The following EXOC2 variants were observed in gnomAD, a reference collection of about 807,000 sequenced individuals.
EXOC2 encodes SEC5-like 1.
Under a neutral mutation model 131.8 loss-of-function variants are expected in EXOC2, and 70 were observed. The ratio of observed to expected loss-of-function variants is 0.53; its 90% CI spans 0.44 to 0.65. The LOEUF is 0.65. Among genes scored for constraint, EXOC2 ranks in the 30% least tolerant of loss-of-function variants. The pLI is 0.00. For missense variants in EXOC2, 923 were observed against 1,108.6 expected (o/e 0.83, Z 2.38); for synonymous variants, 411 against 398.4 (o/e 1.03, Z -0.38).
At chr6:516,250 G>A (rs115846563) in intron 23 of EXOC2, among the ~76,000 whole-genome samples, 1,622 of 152,322 alleles carry the variant, frequency 0.011, 24 homozygotes, top group African/African-American at 0.037. Context: ...GACGCTGGGA[G>A]AATACGCATT....
At chr6:561,004 G>A (rs190502876) in intron 17 of EXOC2, among the ~76,000 whole-genome samples, 5 of 151,732 alleles carry the variant, frequency 3.3e-5, no homozygotes, top group Non-Finnish European at 7.4e-5. Flanking sequence ...CACAGCACCC[G>A]GCCCAATTAA....
chr6:541,190 C>T (rs1766797648), intron 22 of EXOC2, among the ~76,000 whole-genome samples: 2 of 152,168 alleles, frequency 1.3e-5, no homozygotes, highest in Admixed American at 6.5e-5. Flanking sequence ...CCAACTGCTC[C>T]TCTGCTCCCT....
intron 23 of EXOC2, among the ~76,000 whole-genome samples, chr6:500,912 G>T (rs1199874242): frequency 6.6e-6 from 1 of 151,276 alleles, no homozygotes; most frequent in Non-Finnish European, 1.5e-5. Flanking sequence ...TCCAAATATA[G>T]AACTAGGTTT....
At chr6:588,431 T>C (rs927651126) in intron 11 of EXOC2, among the ~76,000 whole-genome samples, 3 of 152,120 alleles carry the variant, frequency 2.0e-5, no homozygotes, top group Non-Finnish European at 4.4e-5. Context: ...CGGCTTACCA[T>C]AACCTCTGCC....
intron 27 of EXOC2, among the ~76,000 whole-genome samples, chr6:488,078 T>A (rs1763187334): frequency 6.6e-6 from 1 of 152,228 alleles, no homozygotes; most frequent in African/African-American, 2.4e-5. Flanking sequence ...GCAGGCACTG[T>A]CTGCACAGCT....
At chr6:503,287 G>C (rs972872897) in intron 23 of EXOC2, among the ~76,000 whole-genome samples, 23 of 152,006 alleles carry the variant, frequency 1.5e-4, no homozygotes, top group African/African-American at 4.6e-4. Flanking sequence ...GATGCCACTA[G>C]GCACATGGCA....
intron 1 of EXOC2, among the ~76,000 whole-genome samples, chr6:677,614 G>T (rs989602010): frequency 6.6e-6 from 1 of 151,872 alleles, no homozygotes; most frequent in East Asian, 1.9e-4. Flanking sequence ...GATAACAGGC[G>T]TGCACCACCA....
chr6:662,551 G>T (rs1386853342), intron 1 of EXOC2, among the ~76,000 whole-genome samples: 1 of 152,138 alleles, frequency 6.6e-6, no homozygotes, highest in Non-Finnish European at 1.5e-5. Context: ...GCTCCCAAAT[G>T]AGCATTGGGT....
chr6:581,156 C>T (rs773455389), intron 11 of EXOC2, among the ~76,000 whole-genome samples: 2 of 151,944 alleles, frequency 1.3e-5, no homozygotes, highest in African/African-American at 2.4e-5. Context: ...AATTAGCCAG[C>T]GCGGTGGCAC....
At chr6:492,625 C>T (rs1169040133) in intron 25 of EXOC2, among the ~76,000 whole-genome samples, 1 of 152,164 alleles carries the variant, frequency 6.6e-6, no homozygotes, top group African/African-American at 2.4e-5. Context: ...AAACATTACG[C>T]TACATGAAAG....
chr6:638,929 A>G (rs533291651), intron 1 of EXOC2, among the ~76,000 whole-genome samples: 6 of 146,664 alleles, frequency 4.1e-5, no homozygotes, highest in South Asian at 2.3e-4. Context: ...ACTCTATCTC[A>G]AATAATAATA....
chr6:492,640 C>T (rs1376273191), intron 25 of EXOC2, among the ~76,000 whole-genome samples: 2 of 152,092 alleles, frequency 1.3e-5, no homozygotes, highest in Admixed American at 6.5e-5. Flanking sequence ...TGAAAGAAGC[C>T]AGTCACAAAG....
At chr6:568,064 T>C (rs951186384) in intron 13 of EXOC2, among the ~76,000 whole-genome samples, 1 of 152,196 alleles carries the variant, frequency 6.6e-6, no homozygotes, top group East Asian at 1.9e-4. Flanking sequence ...CCTACTGGAA[T>C]GTCAGGAGCT....
chr6:493,261 A>AT (rs1259213258), intron 25 of EXOC2, among the ~76,000 whole-genome samples: 7 of 152,170 alleles, frequency 4.6e-5, no homozygotes, highest in African/African-American at 1.7e-4. Context: ...GTTTGGTTTC[A>AT]TTTTTTCAGT....
At chr6:596,659 G>A (rs6902059) in intron 10 of EXOC2, among the ~76,000 whole-genome samples, 1 of 152,084 alleles carries the variant, frequency 6.6e-6, no homozygotes, top group Non-Finnish European at 1.5e-5. Context: ...GGGCCACTGT[G>A]TCTGTTCCTG....
chr6:595,982 G>C (rs183843203), intron 10 of EXOC2, among the ~76,000 whole-genome samples: 1 of 152,090 alleles, frequency 6.6e-6, no homozygotes, highest in Admixed American at 6.5e-5. Context: ...AACAAGAGTG[G>C]GCTCTGAAGC....
chr6:489,066 T>C (rs1393837120), intron 26 of EXOC2, 28 bp from the exon 27 acceptor site: 2 of 1,612,726 alleles, frequency 1.2e-6, no homozygotes, highest in Non-Finnish European at 8.5e-7. Flanking sequence ...ACACTGAAGT[T>C]GAAGCCTTGC....
intron 23 of EXOC2, among the ~76,000 whole-genome samples, chr6:505,290 G>A (rs1226633179): frequency 6.6e-6 from 1 of 152,196 alleles, no homozygotes; most frequent in African/African-American, 2.4e-5. Context: ...CTTTGCACTG[G>A]TGTTGAGAAT....
At chr6:550,430 T>TC in intron 21 of EXOC2, among the ~76,000 whole-genome samples, 1 of 152,332 alleles carries the variant, frequency 6.6e-6, no homozygotes, top group African/African-American at 2.4e-5. Context: ...GTTCCCATCT[T>TC]TATTTCTGGC....
Sources: gnomAD v4.1 joint callset for allele counts (sites outside exome capture counted in the v4.1 genomes callset) on GRCh38, gnomAD v4.1.1 for gene constraint, MANE v1.5 for transcripts, NCBI Gene and HGNC (gene_info 2026-07-23, HGNC 2026-07-21) for gene names.